Variants in AGMO observed in about 807,000 individuals in gnomAD.
AGMO encodes the protein alkylglycerol monooxygenase.
Under a neutral mutation model 60.2 loss-of-function variants are expected in AGMO, and 75 were observed. The observed-to-expected ratio is 1.25, with a 90% CI of 1.03 to 1.51. AGMO has a LOEUF of 1.51. AGMO is among the 40% of genes most tolerant of loss of function. The probability of loss-of-function intolerance (pLI) is 0.00; values close to 1 mark genes in which losing one functional copy is unlikely to be tolerated. For missense variants in AGMO, 763 were observed against 525.5 expected (o/e 1.45, Z -4.42); for synonymous variants, 261 against 177.1 (o/e 1.47, Z -3.76).
intron 12 of AGMO, among the ~76,000 whole-genome samples, chr7:15,361,393 A>G (rs1194064214): frequency 1.3e-5 from 2 of 151,754 alleles, no homozygotes; most frequent in Admixed American, 1.3e-4. Context: ...CAAAAAAATT[A>G]GCCGGGCGTG....
the AGMO span, among the ~76,000 whole-genome samples, chr7:15,185,203 A>G: frequency 1.3e-5 from 2 of 152,240 alleles, no homozygotes; most frequent in Admixed American, 6.5e-5. Flanking sequence ...TTATTCTTCA[A>G]TGTTCCATTT....
intron 12 of AGMO, among the ~76,000 whole-genome samples, chr7:15,322,881 T>A (rs982493754): frequency 6.8e-6 from 1 of 146,076 alleles, no homozygotes; most frequent in African/African-American, 2.5e-5. Context: ...TTATCAAAAC[T>A]CTTTCTTGAT....
At chr7:15,249,389 T>C (rs1782863541) in intron 12 of AGMO, among the ~76,000 whole-genome samples, 2 of 152,120 alleles carry the variant, frequency 1.3e-5, no homozygotes, top group Admixed American at 6.5e-5. Flanking sequence ...ATAAGATTAT[T>C]AGAATAAAAA....
At chr7:15,402,312 TTC>T (rs369501236) in intron 5 of AGMO, among the ~76,000 whole-genome samples, 2 of 150,750 alleles carry the variant, frequency 1.3e-5, no homozygotes, top group African/African-American at 5.0e-5. Flanking sequence ...CTCTTTCTTT[TTC>T]TCTCTCTTCT....
At chr7:15,353,909 C>T (rs1046355622) in intron 12 of AGMO, among the ~76,000 whole-genome samples, 2 of 152,062 alleles carry the variant, frequency 1.3e-5, no homozygotes, top group African/African-American at 4.8e-5. Context: ...AGAAAACTAT[C>T]ATGTATTATT....
At chr7:15,222,285 T>A (rs1431402979) in intron 12 of AGMO, among the ~76,000 whole-genome samples, 1 of 152,086 alleles carries the variant, frequency 6.6e-6, no homozygotes, top group Non-Finnish European at 1.5e-5. Context: ...TTTAATTAAT[T>A]AGTTCACAGA....
intron 12 of AGMO, among the ~76,000 whole-genome samples, chr7:15,288,276 A>T (rs1784158720): frequency 6.6e-6 from 1 of 152,090 alleles, no homozygotes; most frequent in Non-Finnish European, 1.5e-5. Context: ...TCGAAAATAC[A>T]GTACAAATTT....
downstream of AGMO, among the ~76,000 whole-genome samples, chr7:15,198,964 C>T (rs1741645908): frequency 6.6e-6 from 1 of 152,078 alleles, no homozygotes; most frequent in Non-Finnish European, 1.5e-5. Flanking sequence ...ATTTGTTAGT[C>T]CCACAAAGGC....
Position 15,561,895 on chromosome 7 carries a change from T to C in AGMO, c.-50A>G, listed in dbSNP as rs1351348154. The stretch of plus-strand genomic sequence containing the variant: ...TGGAGAATATTTAGGATTCAATGCT[T>C]GAAGCCTGAGGCTGAACAAAGAGGA... On this transcript the variant is annotated 5_prime_UTR_variant, in exon 1 of 13. Coordinates refer to ENST00000342526, the MANE Select transcript of AGMO (RefSeq NM_001004320.2). 2.6e-6 allele frequency: 4 copies of C among 1,547,794 alleles called. No individual in the cohort carries two copies. In the Admixed American group the frequency reaches 5.7e-5, roughly 22 times the overall value.
chr7:15,470,433 T>C (rs1782421707), intron 3 of AGMO, among the ~76,000 whole-genome samples: 1 of 151,994 alleles, frequency 6.6e-6, no homozygotes, highest in Non-Finnish European at 1.5e-5. Flanking sequence ...GGCTTATACA[T>C]TTTTAAGTAG....
the AGMO span, among the ~76,000 whole-genome samples, chr7:15,181,249 G>A: frequency 6.6e-6 from 1 of 152,108 alleles, no homozygotes; most frequent in Non-Finnish European, 1.5e-5. Context: ...GGTATCATCT[G>A]GCTATTATCA....
intron 2 of AGMO, among the ~76,000 whole-genome samples, chr7:15,547,893 C>A (rs1400864612): frequency 3.9e-5 from 6 of 152,162 alleles, no homozygotes; most frequent in Admixed American, 6.5e-5. Flanking sequence ...ACAGCAGTAA[C>A]CTCTGCAGAC....
chr7:15,322,693 TGA>T (rs1781199598), intron 12 of AGMO, among the ~76,000 whole-genome samples: 1 of 53,834 alleles, frequency 1.9e-5, no homozygotes, highest in African/African-American at 1.3e-4. Flanking sequence ...TATAAATATA[TGA>T]ATATGTATAA....
intron 12 of AGMO, among the ~76,000 whole-genome samples, chr7:15,249,276 G>C (rs983219601): frequency 2.0e-5 from 3 of 151,924 alleles, no homozygotes; most frequent in African/African-American, 7.3e-5. Flanking sequence ...TCAAACTGCA[G>C]TGGGTTTAGG....
intron 12 of AGMO, among the ~76,000 whole-genome samples, chr7:15,364,346 C>G (rs1248025794): frequency 6.6e-6 from 1 of 151,990 alleles, no homozygotes; most frequent in Non-Finnish European, 1.5e-5. Flanking sequence ...ATATCTCCCT[C>G]TCCCTGTTTT....
intron 5 of AGMO, among the ~76,000 whole-genome samples, chr7:15,412,012 A>C (rs964800838): frequency 7.9e-5 from 12 of 152,166 alleles, no homozygotes; most frequent in African/African-American, 2.9e-4. Flanking sequence ...AGATCTTCTA[A>C]GTCTCTGCTC....
chr7:15,182,695 G>A, the AGMO span, among the ~76,000 whole-genome samples: 6 of 152,284 alleles, frequency 3.9e-5, no homozygotes, highest in South Asian at 1.2e-3. Flanking sequence ...GCGATTATAG[G>A]AATGAGCCAC....
chr7:15,291,467 T>A (rs898276161), intron 12 of AGMO, among the ~76,000 whole-genome samples: 1 of 152,208 alleles, frequency 6.6e-6, no homozygotes, highest in Non-Finnish European at 1.5e-5. Flanking sequence ...ATTTGTAATA[T>A]GAAATTTTTT....
At chr7:15,505,760 G>C (rs1033404728) in intron 3 of AGMO, among the ~76,000 whole-genome samples, 1 of 151,676 alleles carries the variant, frequency 6.6e-6, no homozygotes, top group Non-Finnish European at 1.5e-5. Flanking sequence ...CATAATTTTT[G>C]AAAAATATTT....
Sources: allele counts gnomAD v4.1 joint callset (sites outside exome capture counted in the v4.1 genomes callset), GRCh38; gene constraint gnomAD v4.1.1; transcripts MANE v1.5; gene names NCBI Gene and HGNC (gene_info 2026-07-23, HGNC 2026-07-21).